Variants in PLEKHA1 observed in about 807,000 individuals in gnomAD.
PLEKHA1 encodes the protein pleckstrin homology domain-containing family A member 1.
Under a neutral mutation model 52.0 loss-of-function variants are expected in PLEKHA1, and 34 were observed. That is an observed-to-expected ratio of 0.65 (90% CI 0.50 to 0.87). The LOEUF is 0.87. PLEKHA1 is among the 40% of genes least tolerant of loss of function. The pLI, the probability that PLEKHA1 is intolerant of heterozygous loss-of-function variation, is 0.00. For synonymous variants in PLEKHA1, 163 were observed against 170.7 expected (o/e 0.95, Z 0.35); for missense variants, 497 against 504.2 (o/e 0.99, Z 0.14).
chr10:122,377,292 G>C (rs970428545), intron 1 of PLEKHA1, among the ~76,000 whole-genome samples: 5 of 152,088 alleles, frequency 3.3e-5, no homozygotes, highest in Admixed American at 1.3e-4. Flanking sequence ...CTGCCTTAAA[G>C]TATTTCCTAT....
At chr10:122,401,369 G>A (rs1420979521) in intron 4 of PLEKHA1, among the ~76,000 whole-genome samples, 1 of 152,174 alleles carries the variant, frequency 6.6e-6, no homozygotes, top group African/African-American at 2.4e-5. Context: ...TTTGATATAG[G>A]TAGACTGGGT....
chr10:122,440,328 C>A, the PLEKHA1 span: 1 of 152,226 alleles, frequency 6.6e-6, no homozygotes, highest in South Asian at 2.1e-4. Flanking sequence ...ACGTTCATTG[C>A]CCTTCCATGT....
downstream of PLEKHA1, chr10:122,432,726 C>G (rs1159475710): frequency 6.6e-6 from 1 of 152,186 alleles, no homozygotes; most frequent in African/African-American, 2.4e-5. Flanking sequence ...GCATCTTAAT[C>G]TCCGGGTGGG....
intron 7 of PLEKHA1, 28 bp from the exon 8 acceptor site, chr10:122,417,872 G>GTC (rs1324888939): frequency 4.5e-6 from 7 of 1,555,064 alleles, no homozygotes. Flanking sequence ...AGAAACACAA[G>GTC]TCTTATGTCT....
chr10:122,416,504 GGTTTT>G (rs372400312), intron 7 of PLEKHA1, among the ~76,000 whole-genome samples: 2 of 152,012 alleles, frequency 1.3e-5, no homozygotes, highest in African/African-American at 2.4e-5. Flanking sequence ...TACCATCTAG[GGTTTT>G]GTTTTGTTTT....
chr10:122,387,941 A>T (rs888618924), intron 1 of PLEKHA1: 1 of 152,226 alleles, frequency 6.6e-6, no homozygotes, highest in African/African-American at 2.4e-5. Flanking sequence ...CAAACTAAGA[A>T]GTAAGATAAA....
At chr10:122,392,155 T>A (rs574111452) in intron 1 of PLEKHA1, 1 of 152,316 alleles carries the variant, frequency 6.6e-6, no homozygotes, top group East Asian at 1.9e-4. Context: ...TTAACTTTAA[T>A]CAGTACAATA....
At chr10:122,427,105 C>T in intron 11 of PLEKHA1, 74 bp downstream of exon 11, 1 of 1,345,486 alleles carries the variant, frequency 7.4e-7, no homozygotes, top group South Asian at 1.3e-5. Flanking sequence ...TCTCCCAATC[C>T]ATCCGGTTTC....
At chr10:122,414,852 A>G (rs1268707979) in intron 6 of PLEKHA1, among the ~76,000 whole-genome samples, 1 of 152,086 alleles carries the variant, frequency 6.6e-6, no homozygotes, top group African/African-American at 2.4e-5. Context: ...GTGGGAATGA[A>G]AATTAGCCAC....
intron 1 of PLEKHA1, among the ~76,000 whole-genome samples, chr10:122,381,115 A>G (rs2096608721): frequency 6.6e-6 from 1 of 152,232 alleles, no homozygotes; most frequent in South Asian, 2.1e-4. Context: ...GAACACTTGA[A>G]TAAATGTTTT....
rs373846509 is a variant in PLEKHA1 at position 122,424,268 on chromosome 10, G to T, written c.746+5G>T. 12 of 1,590,920 alleles carry T rather than the reference G, an allele frequency of 7.5e-6. No individual in the cohort carries two copies. Among genetic ancestry groups the T allele is most frequent in the Non-Finnish European group, 9.4e-6 (11 of 1,173,726 alleles). On this transcript the variant is annotated splice_donor_5th_base_variant and intron_variant, in intron 9 of 11. Coordinates refer to ENST00000368990, the MANE Select transcript of PLEKHA1 (RefSeq NM_001001974.4). Reference sequence around the variant, plus strand: ...AGTCCAGGAATGTAAGCAAAGGTAAGGAACCGCTCTGACTTGATGCCTGGC... The same window carrying T: ...AGTCCAGGAATGTAAGCAAAGGTAATGAACCGCTCTGACTTGATGCCTGGC...
At chr10:122,391,471 A>G (rs1442356852) in intron 1 of PLEKHA1, among the ~76,000 whole-genome samples, 1 of 152,174 alleles carries the variant, frequency 6.6e-6, no homozygotes, top group Non-Finnish European at 1.5e-5. Flanking sequence ...GTCCAGCTTC[A>G]TTCTATGTGG....
chr10:122,408,800 T>G (rs999198030), intron 5 of PLEKHA1, among the ~76,000 whole-genome samples: 1 of 152,174 alleles, frequency 6.6e-6, no homozygotes, highest in Non-Finnish European at 1.5e-5. Flanking sequence ...TATTTTCCTG[T>G]GAACATTGCT....
intron 10 of PLEKHA1, 66 bp downstream of exon 10, chr10:122,425,025 TAAACA>T: frequency 7.2e-7 from 1 of 1,396,246 alleles, no homozygotes; most frequent in Non-Finnish European, 9.9e-7. Flanking sequence ...AGAGGTGAAA[TAAACA>T]TAAACAAGCT....
At position 122,429,943 on chromosome 10, in the gene PLEKHA1, G is replaced by A; in HGVS notation, c.*5G>A. On this transcript the variant is annotated 3_prime_UTR_variant, in exon 12 of 12. Transcript: ENST00000368990. The stretch of plus-strand genomic sequence containing the variant: ...CTTCCGGTCAGTGACGTGTGAGGCA[G>A]AAGCGCACGGAGCCTGCCTGCCTCT... 1 of 1,604,022 alleles carries A rather than the reference G, an allele frequency of 6.2e-7. No individual in the cohort carries two copies. The highest frequency in any genetic ancestry group is 1.3e-5 in the African/African-American group (1 of 74,752).
Position 122,424,532 on chromosome 10 carries a change from A to G in PLEKHA1, c.746+269A>G, listed in dbSNP as rs11200624. Among the ~76,000 whole-genome samples the G allele has an allele frequency of 0.012, 1,870 of 152,300 alleles. 95 individuals are homozygous for G. The East Asian group carries it at 0.18, about 14-fold the overall frequency. On this transcript the variant is annotated intron_variant, in intron 9 of 11. Transcript: ENST00000368990. Reference sequence around the variant, plus strand: ...AGAAACAGCTTACTAATGGAAAGGAATAAATTTAATGTGAACAACTTATGG... The same window carrying G: ...AGAAACAGCTTACTAATGGAAAGGAGTAAATTTAATGTGAACAACTTATGG...
At chr10:122,415,780 G>T in intron 6 of PLEKHA1, 79 bp from the exon 7 acceptor site, 1 of 1,362,782 alleles carries the variant, frequency 7.3e-7, no homozygotes, top group Non-Finnish European at 9.9e-7. Flanking sequence ...TGGATTTTAA[G>T]ATTTTCTACT....
chr10:122,411,561 C>G (rs928769867), intron 5 of PLEKHA1, among the ~76,000 whole-genome samples: 6 of 152,108 alleles, frequency 3.9e-5, no homozygotes, highest in African/African-American at 1.4e-4. Flanking sequence ...GAAACTCCTG[C>G]CTCAAAAATG....
chr10:122,436,501 T>C (rs1012367907), downstream of PLEKHA1: 8 of 152,224 alleles, frequency 5.3e-5, no homozygotes, highest in African/African-American at 1.9e-4. Flanking sequence ...GATAATCACT[T>C]GGTATAGGCT....
Sources: gnomAD v4.1 joint callset for allele counts (sites outside exome capture counted in the v4.1 genomes callset) on GRCh38, gnomAD v4.1.1 for gene constraint, MANE v1.5 for transcripts, NCBI Gene and HGNC (gene_info 2026-07-23, HGNC 2026-07-21) for gene names.